The following PIK3R5 variants were observed in gnomAD, a reference collection of about 807,000 sequenced individuals.
The protein encoded by PIK3R5 is phosphoinositide-3-kinase regulatory subunit 5, also known as phosphoinositide 3-kinase regulatory subunit 5.
A neutral mutation model predicts 94.9 loss-of-function variants in PIK3R5; 32 were observed. That is an observed-to-expected ratio of 0.34 (90% CI 0.25 to 0.45). The LOEUF is 0.45. Among genes scored for constraint, PIK3R5 ranks in the 20% least tolerant of loss-of-function variants. The pLI is 1.00. For synonymous variants in PIK3R5, 443 were observed against 479.4 expected (o/e 0.92, Z 0.99); for missense variants, 853 against 1,144.6 (o/e 0.75, Z 3.68).
intron 1 of PIK3R5, among the ~76,000 whole-genome samples, chr17:8,964,390 CAATAAT>C (rs374437977): frequency 1.3e-5 from 2 of 151,668 alleles, no homozygotes; most frequent in East Asian, 3.9e-4. Flanking sequence ...GACCCTGTCT[CAATAAT>C]AATAATAATA....
chr17:8,897,262 G>A, intron 5 of PIK3R5, among the ~76,000 whole-genome samples: 1 of 152,238 alleles, frequency 6.6e-6, no homozygotes, highest in Non-Finnish European at 1.5e-5. Context: ...GAGTCCAGGA[G>A]CAGAGAGGGG....
intron 11 of PIK3R5, 133 bp downstream of exon 11, chr17:8,887,388 G>T: frequency 1.5e-6 from 2 of 1,314,256 alleles, no homozygotes; most frequent in Non-Finnish European, 2.1e-6. Context: ...ATGTCCAAGT[G>T]CAGGGAGTGA....
Position 8,889,263 on chromosome 17 carries a change from G to A in PIK3R5, c.812-41C>T, listed in dbSNP as rs2089963189. 1 of 1,522,894 alleles carries A rather than the reference G, an allele frequency of 6.6e-7. No homozygotes were observed. Among genetic ancestry groups the A allele is most frequent in the South Asian group, 1.1e-5 (1 of 87,022 alleles). The allele number at this position is 1,522,894 out of a possible 1,614,324, so 94.3% of individuals were successfully genotyped here. On this transcript the variant is annotated intron_variant, in intron 8 of 18. Transcript: ENST00000447110. The surrounding 1 kb of genome is among the most constrained non-coding windows in gnomAD (Gnocchi z 4.1). The stretch of plus-strand genomic sequence containing the variant: ...GGATAGGAGAAGAGGGCTGGGAAGA[G>A]GCCTTGGAGATTGGCCAGTCCAGTC...
chr17:8,898,549 G>A (rs1036534651), intron 5 of PIK3R5, among the ~76,000 whole-genome samples: 3 of 152,270 alleles, frequency 2.0e-5, no homozygotes, highest in African/African-American at 7.2e-5. Context: ...ATGTGACCTG[G>A]GGCAAGTTAC....
intron 1 of PIK3R5, among the ~76,000 whole-genome samples, chr17:8,924,827 G>A (rs1274986963): frequency 2.0e-5 from 3 of 152,156 alleles, no homozygotes; most frequent in Non-Finnish European, 2.9e-5. Context: ...CACTCCTCCC[G>A]ATACTTGGCC....
chr17:8,932,457 A>G (rs2091004149), intron 1 of PIK3R5, among the ~76,000 whole-genome samples: 1 of 152,024 alleles, frequency 6.6e-6, no homozygotes, highest in East Asian at 1.9e-4. Flanking sequence ...CTGGTCTCGA[A>G]CTCCTGACCT....
intron 1 of PIK3R5, among the ~76,000 whole-genome samples, chr17:8,929,010 T>G (rs1361099503): frequency 6.6e-6 from 1 of 152,142 alleles, no homozygotes; most frequent in African/African-American, 2.4e-5. Context: ...GAGGTACAGT[T>G]CACTAGGACT....
intron 15 of PIK3R5, among the ~76,000 whole-genome samples, chr17:8,883,814 C>T (rs140231689): frequency 2.1e-4 from 32 of 152,270 alleles, no homozygotes; most frequent in African/African-American, 6.7e-4. Flanking sequence ...CCTGGGACCA[C>T]GTCTGTCCTT....
At position 8,904,925 on chromosome 17, in the gene PIK3R5, A is replaced by C; in HGVS notation, c.274-10T>G. On this transcript the variant is annotated splice_polypyrimidine_tract_variant and intron_variant, in intron 4 of 18. Transcript: ENST00000447110. The surrounding 1 kb of genome is among the most constrained non-coding windows in gnomAD (Gnocchi z 5.1). ...GTGGGAAGTGTGGTGTCTAGGATGG[A>C]GGCAGGCAACAAGCAAAGAGATCTA... is the stretch of plus-strand genomic sequence containing the variant. 6.2e-7 allele frequency: 1 copy of C among 1,611,514 alleles called. No individual in the cohort carries two copies. Among genetic ancestry groups the C allele is most frequent in the Non-Finnish European group, 8.5e-7 (1 of 1,179,946 alleles).
chr17:8,901,834 C>A (rs1345404449), intron 5 of PIK3R5, among the ~76,000 whole-genome samples: 1 of 152,068 alleles, frequency 6.6e-6, no homozygotes, highest in Non-Finnish European at 1.5e-5. Context: ...TATACTCAAC[C>A]ATGTTCAATA....
intron 1 of PIK3R5, among the ~76,000 whole-genome samples, chr17:8,959,820 G>A (rs1021516792): frequency 6.6e-6 from 1 of 152,222 alleles, no homozygotes; most frequent in African/African-American, 2.4e-5. Flanking sequence ...CCAGATCAGG[G>A]CTTCTGAACC....
intron 1 of PIK3R5, among the ~76,000 whole-genome samples, chr17:8,928,007 G>C (rs2090920741): frequency 6.6e-6 from 1 of 152,152 alleles, no homozygotes; most frequent in Non-Finnish European, 1.5e-5. Flanking sequence ...TGCAGATGTT[G>C]ATGCCATGCT....
At chr17:8,930,847 T>C (rs1011788979) in intron 1 of PIK3R5, among the ~76,000 whole-genome samples, 1 of 152,204 alleles carries the variant, frequency 6.6e-6, no homozygotes, top group African/African-American at 2.4e-5. Flanking sequence ...GAGAACATAT[T>C]GGTGGTTGCT....
chr17:8,885,666 G>T (rs1382232941), intron 14 of PIK3R5, among the ~76,000 whole-genome samples: 1 of 24,104 alleles, frequency 4.1e-5, no homozygotes, highest in African/African-American at 2.1e-4. Context: ...CCAGGGCCCC[G>T]CCTCCCCATG....
At position 8,924,924 on chromosome 17, in the gene PIK3R5, T is replaced by A. The variant is rs376412908; in HGVS notation, c.-13-13417A>T. ...AGTCTAGAACTCTCTAGATCTCTAA[T>A]GGACAACTTACTATGACATTAGGGC... On this transcript the variant is annotated intron_variant, in intron 1 of 18. Coordinates refer to ENST00000447110, the MANE Select transcript of PIK3R5 (RefSeq NM_001142633.3). Among the ~76,000 whole-genome samples, 229 of 152,348 alleles carry A rather than the reference T, an allele frequency of 1.5e-3. 1 individual carries two copies. Among genetic ancestry groups the A allele is most frequent in the African/African-American group, 5.0e-3 (207 of 41,580 alleles).
At chr17:8,918,312 T>G (rs2090668777) in intron 1 of PIK3R5, among the ~76,000 whole-genome samples, 1 of 152,188 alleles carries the variant, frequency 6.6e-6, no homozygotes, top group African/African-American at 2.4e-5. Flanking sequence ...CCAGCACATC[T>G]TGTAGTGCCA....
intron 1 of PIK3R5, among the ~76,000 whole-genome samples, chr17:8,923,236 G>A (rs1427949339): frequency 6.6e-6 from 1 of 152,158 alleles, no homozygotes; most frequent in East Asian, 1.9e-4. Context: ...GCACAGAGAG[G>A]ATTCGAACTA....
chr17:8,929,488 C>T (rs1197909979), intron 1 of PIK3R5, among the ~76,000 whole-genome samples: 3 of 152,034 alleles, frequency 2.0e-5, no homozygotes, highest in Admixed American at 6.5e-5. Flanking sequence ...GACATAAGGT[C>T]AATTCACTAA....
At position 8,881,583 on chromosome 17, in the gene PIK3R5, C is replaced by T. The variant is rs186614663; in HGVS notation, c.2382+47G>A. ...TACACACATACGCACATGCACGCTC[C>T]AGTAAGTCTCTTGAGGGTATGGCTG... On this transcript the variant is annotated intron_variant, in intron 17 of 18. Transcript: ENST00000447110. The surrounding 1 kb of genome is among the most constrained non-coding windows in gnomAD (Gnocchi z 4.8). 2 of 1,454,286 alleles carry T rather than the reference C, an allele frequency of 1.4e-6. No individual in the cohort carries two copies. Among genetic ancestry groups the T allele is most frequent in the Admixed American group, 1.8e-5 (1 of 55,878 alleles). 90.1% of individuals were successfully genotyped at this position (1,454,286 alleles called of 1,614,324 possible). A position where few individuals can be genotyped will look rare whatever the true frequency, so the allele number is the denominator to read the frequency against.
Sources: allele counts gnomAD v4.1 joint callset (sites outside exome capture counted in the v4.1 genomes callset), GRCh38; gene constraint gnomAD v4.1.1; non-coding constraint Gnocchi (gnomAD v3.1); transcripts MANE v1.5; gene names NCBI Gene and HGNC (gene_info 2026-07-23, HGNC 2026-07-21).